ADCY2: variants seen among roughly 807,000 people sequenced by gnomAD.
The protein encoded by ADCY2 is adenylate cyclase 2.
ADCY2 carries 31 observed loss-of-function variants against 125.2 expected under a neutral mutation model. That is an observed-to-expected ratio of 0.25 (90% CI 0.19 to 0.33). The LOEUF (loss-of-function observed/expected upper bound fraction) is 0.33, where lower values mean the gene tolerates loss of function less well. Ranked by LOEUF, ADCY2 falls within the 10% of genes least tolerant of loss-of-function variation. ADCY2 has a pLI of 1.00. For missense variants in ADCY2, 904 were observed against 1,418.2 expected (o/e 0.64, Z 5.82); for synonymous variants, 512 against 548.4 (o/e 0.93, Z 0.93).
At chr5:7,572,246 G>A (rs1398327118) in intron 3 of ADCY2, among the ~76,000 whole-genome samples, 2 of 152,118 alleles carry the variant, frequency 1.3e-5, no homozygotes, top group Non-Finnish European at 2.9e-5. Context: ...CACAATGGTT[G>A]AACTAATTTA....
intron 4 of ADCY2, among the ~76,000 whole-genome samples, chr5:7,674,600 C>T (rs1026563489): frequency 1.3e-5 from 2 of 152,138 alleles, no homozygotes; most frequent in African/African-American, 4.8e-5. Context: ...CAATGATTTT[C>T]ATCATCCTTA....
rs1401387712 is a variant in ADCY2 at position 7,802,800 on chromosome 5, T to TG, written c.2775+442dup. Among the ~76,000 whole-genome samples, 1 of 152,182 alleles carries TG rather than the reference T, an allele frequency of 6.6e-6. No individual in the cohort carries two copies. Among genetic ancestry groups the TG allele is most frequent in the Non-Finnish European group, 1.5e-5 (1 of 68,038 alleles). On this transcript the variant is annotated intron_variant, in intron 21 of 24. Coordinates refer to ENST00000338316, the MANE Select transcript of ADCY2 (RefSeq NM_020546.3). This position sits in a 1 kb window ranked among gnomAD's most constrained non-coding sequence, Gnocchi z 4.6. ...CATTTTCTTAAAATTATAATCTGTA[T>TG]GGGGGGATAATACAACATACTTTAG...
chr5:7,412,613 T>C (rs377492379), intron 1 of ADCY2, among the ~76,000 whole-genome samples: 2 of 152,250 alleles, frequency 1.3e-5, no homozygotes, highest in South Asian at 2.1e-4. Context: ...TGGCTAAAAA[T>C]AGCAGTGGAG....
At chr5:7,807,679 A>T (rs1744796433) in intron 22 of ADCY2, among the ~76,000 whole-genome samples, 1 of 152,058 alleles carries the variant, frequency 6.6e-6, no homozygotes, top group South Asian at 2.1e-4. Flanking sequence ...TATCTTGACC[A>T]TTGGGCCAGA....
At chr5:7,749,846 G>T (rs1341296128) in intron 15 of ADCY2, 1 of 152,148 alleles carries the variant, frequency 6.6e-6, no homozygotes, top group Non-Finnish European at 1.5e-5. Flanking sequence ...GGGAAAGTAG[G>T]TCACACAGCT....
chr5:7,471,627 TA>T (rs1742340954), intron 2 of ADCY2, among the ~76,000 whole-genome samples: 1 of 152,060 alleles, frequency 6.6e-6, no homozygotes, highest in African/African-American at 2.4e-5. Context: ...TTTTAAAAGG[TA>T]AAAATATGTT....
intron 17 of ADCY2, among the ~76,000 whole-genome samples, chr5:7,767,284 A>G (rs1354869637): frequency 6.6e-6 from 1 of 152,198 alleles, no homozygotes; most frequent in African/African-American, 2.4e-5. Flanking sequence ...TAACTGACTC[A>G]TCTTAACCAG....
intron 4 of ADCY2, chr5:7,654,234 A>G (rs1440671500): frequency 1.6e-5 from 7 of 441,568 alleles, no homozygotes; most frequent in South Asian, 1.1e-4. Flanking sequence ...CCCAGTAGAC[A>G]GGGTTTCAGG....
chr5:7,414,710 C>T lies in ADCY2; in HGVS notation c.348C>T (p.Cys116=). The T allele has an allele frequency of 2.5e-6, 4 of 1,613,864 alleles. No individual in the cohort carries two copies. The highest frequency in any genetic ancestry group is 3.4e-6 in the Non-Finnish European group (4 of 1,179,972). Residue 116 remains cysteine, a synonymous_variant, in exon 2 of 25, where the codon TGC becomes TGT. Coordinates refer to ENST00000338316, the MANE Select transcript of ADCY2 (RefSeq NM_020546.3). The stretch of plus-strand genomic sequence containing the variant: ...TCTTCTCGTTGGTGATATGGATATG[C>T]CTTGTTGCCATGGGATACCTGTTCA... ...LRLFSLVIWI[C]LVAMGYLFMC...
At chr5:7,724,750 G>C in intron 13 of ADCY2, 136 bp downstream of exon 13, 2 of 662,976 alleles carry the variant, frequency 3.0e-6, no homozygotes, top group Non-Finnish European at 5.1e-6. Context: ...TGGCTTTTCT[G>C]GTGGTTCTTT....
intron 2 of ADCY2, among the ~76,000 whole-genome samples, chr5:7,464,786 A>G (rs1742042491): frequency 6.6e-6 from 1 of 152,190 alleles, no homozygotes; most frequent in South Asian, 2.1e-4. Flanking sequence ...TATTGTGTTG[A>G]CAATATTAAA....
intron 4 of ADCY2, among the ~76,000 whole-genome samples, chr5:7,674,930 C>T (rs571857311): frequency 5.9e-5 from 9 of 152,024 alleles, no homozygotes; most frequent in South Asian, 4.1e-4. Context: ...CCGAGGCGGG[C>T]GGATCACGAG....
intron 3 of ADCY2, among the ~76,000 whole-genome samples, chr5:7,521,206 G>A (rs531625801): frequency 7.2e-5 from 11 of 152,270 alleles, no homozygotes; most frequent in Non-Finnish European, 1.3e-4. Context: ...GTTCTTATAT[G>A]TTATAATTCA....
At chr5:7,565,382 C>T (rs547165044) in intron 3 of ADCY2, among the ~76,000 whole-genome samples, 2 of 152,302 alleles carry the variant, frequency 1.3e-5, no homozygotes, top group Non-Finnish European at 2.9e-5. Context: ...ACTTATCTTT[C>T]TTATATGCTG....
At chr5:7,402,406 C>T (rs1382859263) in intron 1 of ADCY2, among the ~76,000 whole-genome samples, 5 of 152,136 alleles carry the variant, frequency 3.3e-5, no homozygotes. Context: ...TTTGTTTGTT[C>T]AACTGTTTTT....
At chr5:7,456,038 G>A (rs1741656385) in intron 2 of ADCY2, among the ~76,000 whole-genome samples, 1 of 151,208 alleles carries the variant, frequency 6.6e-6, no homozygotes, top group Admixed American at 6.6e-5. Context: ...ATGAGGCCTT[G>A]AGATAAACTA....
In ADCY2 at chr5:7,459,947, C is replaced by T. The variant is rs189949410; in HGVS notation, c.408+45177C>T. ...GACTACAGGCAACTGCCACCACACC[C>T]GGCTAATTTTTTGTATTTTTAGTAG... On this transcript the variant is annotated intron_variant, in intron 2 of 24. Transcript: ENST00000338316. Among the ~76,000 whole-genome samples the T allele has an allele frequency of 1.3e-3, 200 of 151,430 alleles. 1 individual carries two copies. The highest frequency in any genetic ancestry group is 4.6e-3 in the African/African-American group (190 of 41,286).
chr5:7,653,419 C>T (rs1056009147), intron 4 of ADCY2, among the ~76,000 whole-genome samples: 16 of 152,150 alleles, frequency 1.1e-4, no homozygotes, highest in Admixed American at 2.6e-4. Context: ...AGACGGCTAA[C>T]ACGGTGAAAC....
chr5:7,630,088 C>G (rs995629332), intron 4 of ADCY2, among the ~76,000 whole-genome samples: 2 of 152,124 alleles, frequency 1.3e-5, no homozygotes, highest in Non-Finnish European at 2.9e-5. Context: ...TCGGGCGAGG[C>G]TCAGAGACCC....
Sources: allele counts gnomAD v4.1 joint callset (sites outside exome capture counted in the v4.1 genomes callset), GRCh38; gene constraint gnomAD v4.1.1; non-coding constraint Gnocchi (gnomAD v3.1); transcripts MANE v1.5; gene names NCBI Gene and HGNC (gene_info 2026-07-23, HGNC 2026-07-21).